Variants in ZNF680 observed in about 807,000 individuals in gnomAD.
The protein encoded by ZNF680 is hypothetical protein FLJ90430.
A neutral mutation model predicts 12.1 loss-of-function variants in ZNF680; 6 were observed. The ratio of observed to expected loss-of-function variants is 0.49; its 90% CI spans 0.27 to 0.98. ZNF680 has a LOEUF of 0.98. ZNF680 is among the 50% of genes least tolerant of loss of function. The pLI is 0.12. For missense variants in ZNF680, 561 were observed against 616.3 expected, an observed-to-expected ratio of 0.91 and a Z score of 0.95; for synonymous variants, 170 against 199.3, an observed-to-expected ratio of 0.85 and a Z score of 1.24.
intron 1 of ZNF680, among the ~76,000 whole-genome samples, chr7:64,559,470 T>C (rs1787604019): frequency 7.0e-6 from 1 of 142,460 alleles, no homozygotes; most frequent in South Asian, 2.4e-4. Context: ...ATTTGTTTGT[T>C]TAGGTTTTTT....
intron 3 of ZNF680, chr7:64,525,402 T>C (rs111951482): frequency 6.6e-5 from 10 of 152,078 alleles, no homozygotes; most frequent in African/African-American, 2.2e-4. Flanking sequence ...AAGCAGAAAA[T>C]ATTCTAACAA....
At chr7:64,535,629 T>C (rs1321769309) in intron 3 of ZNF680, among the ~76,000 whole-genome samples, 1 of 152,146 alleles carries the variant, frequency 6.6e-6, no homozygotes, top group Non-Finnish European at 1.5e-5. Context: ...GTCATCATTA[T>C]ATTAGATATA....
chr7:64,553,124 C>CAAAA (rs575545282), intron 1 of ZNF680, among the ~76,000 whole-genome samples: 2 of 119,748 alleles, frequency 1.7e-5, no homozygotes, highest in African/African-American at 6.2e-5. Context: ...CACTCTATCT[C>CAAAA]AAAAAAAAAA....
At chr7:64,502,328 C>T in the ZNF680 span, among the ~76,000 whole-genome samples, 28 of 151,782 alleles carry the variant, frequency 1.8e-4, no homozygotes, top group Non-Finnish European at 3.5e-4. Context: ...CGGTTTTTAT[C>T]AACTGTCTCC....
At chr7:64,524,016 C>T (rs1323114065) in intron 3 of ZNF680, among the ~76,000 whole-genome samples, 3 of 151,562 alleles carry the variant, frequency 2.0e-5, no homozygotes, top group Non-Finnish European at 2.9e-5. Flanking sequence ...GACAAAAGTA[C>T]ACATTTCATG....
At chr7:64,553,868 G>C (rs1787226094) in intron 1 of ZNF680, among the ~76,000 whole-genome samples, 1 of 152,208 alleles carries the variant, frequency 6.6e-6, no homozygotes, top group Non-Finnish European at 1.5e-5. Flanking sequence ...ATTGCAGACG[G>C]AGTCTCGCTC....
At chr7:64,507,687 T>C in the ZNF680 span, among the ~76,000 whole-genome samples, 1 of 152,060 alleles carries the variant, frequency 6.6e-6, no homozygotes, top group Middle Eastern at 3.4e-3. Context: ...AAATATCACA[T>C]TGTACCCCAT....
downstream of ZNF680, among the ~76,000 whole-genome samples, chr7:64,519,417 A>G (rs1403090541): frequency 6.6e-6 from 1 of 151,924 alleles, no homozygotes; most frequent in Non-Finnish European, 1.5e-5. Context: ...ATTATGAAAA[A>G]TAGTGTGGAG....
chr7:64,507,949 T>A, the ZNF680 span, among the ~76,000 whole-genome samples: 1 of 150,996 alleles, frequency 6.6e-6, no homozygotes, highest in Non-Finnish European at 1.5e-5. Flanking sequence ...ATGAATAGTA[T>A]GAACCCAACA....
In ZNF680 at chr7:64,521,187, AT is replaced by A. The variant is rs753920240; in HGVS notation, c.1566del (p.Lys522AsnfsTer42). 2 of 1,608,950 alleles carry A rather than the reference AT, an allele frequency of 1.2e-6. No individual in the cohort carries two copies. On this transcript the variant is annotated frameshift_variant, in exon 4 of 4. Transcript: ENST00000309683. LOFTEE classifies it high-confidence loss of function. ...TAGGTGTTATCAAAATTATTGTCAC[AT>A]TTTTCAGGTTTGTAGAGTTTCTCAC... is the stretch of plus-strand genomic sequence containing the variant. ...HTGEKLYKPEKCDNNFDNT is the reference protein window; with the variant it reads ...HTGEKLYKPEXCDNNFDNT
chr7:64,553,914 T>C (rs1284623705), intron 1 of ZNF680, among the ~76,000 whole-genome samples: 3 of 152,288 alleles, frequency 2.0e-5, no homozygotes, highest in South Asian at 2.1e-4. Flanking sequence ...TGGAGTGCAG[T>C]GGCGTGATCT....
intron 1 of ZNF680, among the ~76,000 whole-genome samples, chr7:64,554,384 G>GCCCGGCCAGCTGC (rs1787281195): frequency 6.6e-6 from 1 of 150,950 alleles, no homozygotes; most frequent in African/African-American, 2.4e-5. Context: ...GGCAGCCCCA[G>GCCCGGCCAGCTGC]CCCGGCCAGC....
chr7:64,537,099 C>A (rs1440838572), intron 3 of ZNF680, among the ~76,000 whole-genome samples: 1 of 152,034 alleles, frequency 6.6e-6, no homozygotes, highest in East Asian at 1.9e-4. Flanking sequence ...TCTAAGAACA[C>A]CAAAATCATA....
In ZNF680 at chr7:64,522,291, G is replaced by T; in HGVS notation, c.463C>A (p.Gln155Lys). 1.2e-6 allele frequency: 2 copies of T among 1,613,032 alleles called. No individual in the cohort carries two copies. Among genetic ancestry groups the T allele is most frequent in the Non-Finnish European group, 1.7e-6 (2 of 1,179,406 alleles). ...AAGACTTTCACGTATTTATCACATT[G>T]AAATATTTTGCTCTGGGTAGTTCTC... ...CLRTTQSKIF[Q>K]CDKYVKVFHK... is the part of the protein sequence containing the mutation. The change falls in exon 4 of 4, where the codon CAA becomes AAA. Residue 155 changes from glutamine to lysine, a missense_variant. Physicochemically the swap from Gln to Lys is moderately conservative, Grantham distance 53. Transcript: ENST00000309683.
chr7:64,553,241 A>G (rs1787179809), intron 1 of ZNF680, among the ~76,000 whole-genome samples: 1 of 152,164 alleles, frequency 6.6e-6, no homozygotes, highest in Admixed American at 6.5e-5. Flanking sequence ...CTCCACTGTT[A>G]TATACTGAAT....
At chr7:64,512,763 CT>C in the ZNF680 span, among the ~76,000 whole-genome samples, 7,609 of 149,464 alleles carry the variant, frequency 0.051, 282 homozygotes, top group East Asian at 0.17. Flanking sequence ...ACTACTAAAT[CT>C]TTTTTTTTTC....
At chr7:64,558,795 T>C (rs890621752) in intron 1 of ZNF680, among the ~76,000 whole-genome samples, 7 of 151,942 alleles carry the variant, frequency 4.6e-5, no homozygotes, top group Non-Finnish European at 8.8e-5. Context: ...TTTTTTTTTT[T>C]CAATCAATTT....
Position 64,521,241 on chromosome 7 carries a change from G to C in ZNF680, c.1513C>G (p.Leu505Val). Residue 505 changes from leucine to valine, a missense_variant, in exon 4 of 4, where the codon CTT (leucine) becomes GTT (valine). Transcript: ENST00000309683. ...GTATGAATTTTCTTATGTCTAGTAA[G>C]GTGTGAGGACCGGTTAAAAGCTTTG... The part of the protein sequence containing the change: ...CGKAFNRSSH[L>V]TRHKKIHTGE... 6.2e-7 allele frequency: 1 copy of C among 1,613,548 alleles called. No individual in the cohort carries two copies. The highest frequency in any genetic ancestry group is 2.2e-5 in the East Asian group (1 of 44,858).
chr7:64,543,133 A>G (rs1786596040), intron 3 of ZNF680, among the ~76,000 whole-genome samples: 1 of 152,234 alleles, frequency 6.6e-6, no homozygotes, highest in African/African-American at 2.4e-5. Flanking sequence ...TTTTTACAGC[A>G]ATGAAAAATA....
Sources: allele counts gnomAD v4.1 joint callset (sites outside exome capture counted in the v4.1 genomes callset), GRCh38; gene constraint gnomAD v4.1.1; transcripts MANE v1.5; gene names NCBI Gene and HGNC (gene_info 2026-07-23, HGNC 2026-07-21).